Variants in TANGO6 observed in about 807,000 individuals in gnomAD.
The protein encoded by TANGO6 is transport and golgi organization 6 homolog.
Under a neutral mutation model 114.2 loss-of-function variants are expected in TANGO6, and 90 were observed. The ratio of observed to expected loss-of-function variants is 0.79; its 90% CI spans 0.66 to 0.94. The LOEUF (loss-of-function observed/expected upper bound fraction) is 0.94, where lower values mean the gene tolerates loss of function less well. Among genes scored for constraint, TANGO6 ranks in the 40% least tolerant of loss-of-function variants. The pLI, the probability that TANGO6 is intolerant of heterozygous loss-of-function variation, is 0.00. For missense variants in TANGO6, 1,274 were observed against 1,315.3 expected, an observed-to-expected ratio of 0.97 and a Z score of 0.49; for synonymous variants, 477 against 509.8, an observed-to-expected ratio of 0.94 and a Z score of 0.87.
chr16:69,043,418 G>A (rs1366089961), intron 17 of TANGO6, among the ~76,000 whole-genome samples: 2 of 151,924 alleles, frequency 1.3e-5, no homozygotes, highest in East Asian at 1.9e-4. Context: ...AACCAACACC[G>A]CTTGTCTCAC....
intron 15 of TANGO6, chr16:69,006,917 G>C (rs1477591423): frequency 6.6e-6 from 1 of 152,190 alleles, no homozygotes; most frequent in African/African-American, 2.4e-5. Flanking sequence ...AAGCAACCTT[G>C]TACCCATTCC....
chr16:69,021,024 T>C (rs1959397288), intron 15 of TANGO6, among the ~76,000 whole-genome samples: 1 of 152,024 alleles, frequency 6.6e-6, no homozygotes, highest in African/African-American at 2.4e-5. Flanking sequence ...GTTTCTACCT[T>C]GGACCCTTGT....
intron 17 of TANGO6, among the ~76,000 whole-genome samples, chr16:69,075,301 T>C (rs1170412147): frequency 1.3e-5 from 2 of 152,128 alleles, no homozygotes; most frequent in East Asian, 3.8e-4. Flanking sequence ...ATCTTTACAT[T>C]GTGCAATGCC....
chr16:68,934,230 G>A (rs1249778031), intron 14 of TANGO6, among the ~76,000 whole-genome samples: 1 of 151,884 alleles, frequency 6.6e-6, no homozygotes, highest in African/African-American at 2.4e-5. Flanking sequence ...AAAACATTTT[G>A]TAGAGATGGG....
chr16:68,860,790 C>G (rs1485577532), intron 2 of TANGO6, among the ~76,000 whole-genome samples: 1 of 152,116 alleles, frequency 6.6e-6, no homozygotes, highest in African/African-American at 2.4e-5. Context: ...CTTTGAGCCT[C>G]TGTTTCTTCT....
chr16:69,010,700 T>C (rs1185618119), intron 15 of TANGO6, among the ~76,000 whole-genome samples: 1 of 152,138 alleles, frequency 6.6e-6, no homozygotes, highest in African/African-American at 2.4e-5. Context: ...ATATCACCCA[T>C]CCTGTTGCTC....
chr16:68,846,073 T>C (rs566763537), intron 1 of TANGO6, among the ~76,000 whole-genome samples: 23 of 152,262 alleles, frequency 1.5e-4, no homozygotes, highest in African/African-American at 4.1e-4. Context: ...TTGCCCAGGC[T>C]GGAGTGCAGT....
At chr16:69,023,993 C>T (rs922660952) in intron 16 of TANGO6, among the ~76,000 whole-genome samples, 2 of 151,772 alleles carry the variant, frequency 1.3e-5, no homozygotes, top group Admixed American at 6.6e-5. Context: ...CTGCAACCTC[C>T]GCCTCCTGGG....
intron 13 of TANGO6, among the ~76,000 whole-genome samples, chr16:68,928,768 T>A (rs1267989401): frequency 2.0e-5 from 3 of 152,146 alleles, no homozygotes; most frequent in Admixed American, 1.3e-4. Context: ...GGAAAGTACC[T>A]TTTGTGATAA....
At chr16:68,970,667 C>CAAAAAAA (rs11291012) in intron 14 of TANGO6, among the ~76,000 whole-genome samples, 1 of 110,632 alleles carries the variant, frequency 9.0e-6, no homozygotes, top group Non-Finnish European at 1.9e-5. Context: ...AACTTCGTCT[C>CAAAAAAA]AAAAAAAAAA....
At chr16:68,926,725 G>C (rs984529852) in intron 12 of TANGO6, among the ~76,000 whole-genome samples, 1 of 151,584 alleles carries the variant, frequency 6.6e-6, no homozygotes, top group South Asian at 2.1e-4. Context: ...GTGGGGTTTC[G>C]CCATGTTGGC....
intron 17 of TANGO6, among the ~76,000 whole-genome samples, chr16:69,044,886 TGC>T (rs1959826919): frequency 6.6e-6 from 1 of 152,124 alleles, no homozygotes; most frequent in Admixed American, 6.6e-5. Flanking sequence ...CTGGGCGCAG[TGC>T]CTCATGCCTA....
At chr16:69,072,424 C>T (rs1206789592) in intron 17 of TANGO6, among the ~76,000 whole-genome samples, 2 of 152,100 alleles carry the variant, frequency 1.3e-5, no homozygotes, top group Admixed American at 1.3e-4. Context: ...AGCAGGTGTG[C>T]TGAACTCATA....
At chr16:68,936,826 C>CCTGGGCT (rs1567544009) in intron 14 of TANGO6, among the ~76,000 whole-genome samples, 2 of 151,594 alleles carry the variant, frequency 1.3e-5, no homozygotes, top group African/African-American at 4.8e-5. Context: ...AAAAAAACCA[C>CCTGGGCT]CTGGGCTCTG....
At chr16:69,076,713 C>T (rs1250853757) in intron 17 of TANGO6, among the ~76,000 whole-genome samples, 6 of 152,176 alleles carry the variant, frequency 3.9e-5, no homozygotes, top group Admixed American at 1.3e-4. Flanking sequence ...CTTGTACTTG[C>T]TTCTAGCCTT....
chr16:68,848,924 A>G (rs964360793), intron 1 of TANGO6, among the ~76,000 whole-genome samples: 3 of 151,950 alleles, frequency 2.0e-5, no homozygotes, highest in Non-Finnish European at 4.4e-5. Flanking sequence ...CCTTGCTCTC[A>G]AGCAGAAGAT....
chr16:68,906,703 C>T (rs1404359727), intron 9 of TANGO6, among the ~76,000 whole-genome samples: 2 of 152,128 alleles, frequency 1.3e-5, no homozygotes, highest in Admixed American at 6.6e-5. Context: ...CCTGCCTCAG[C>T]CTCCTAGTGC....
At position 69,069,688 on chromosome 16, in the gene TANGO6, G is replaced by A. The variant is rs554224937; in HGVS notation, c.3109-13797G>A. On this transcript the variant is annotated intron_variant, in intron 17 of 17. Coordinates refer to ENST00000261778, the MANE Select transcript of TANGO6 (RefSeq NM_024562.2). The stretch of plus-strand genomic sequence containing the variant: ...TCTTATTTATTTCTCAACCACAAAG[G>A]GAGTCACAATTGGTGGTTGATAGGA... Among the ~76,000 whole-genome samples the A allele has an allele frequency of 2.0e-3, 308 of 152,154 alleles. 2 individuals carry two copies. The highest frequency in any genetic ancestry group is 1.7e-3 in the Non-Finnish European group (117 of 67,998).
At position 69,085,069 on chromosome 16, in the gene TANGO6, C is replaced by T. The variant is rs1427416451; in HGVS notation, c.*1408C>T. 2.6e-5 allele frequency: 4 copies of T among 152,330 alleles called. No individual in the cohort carries two copies. The highest frequency in any genetic ancestry group is 3.7e-4 in the East Asian group (2 of 5,336). The allele number at this position is 152,330 out of a possible 1,614,324, so 9.4% of individuals were successfully genotyped here. On this transcript the variant is annotated 3_prime_UTR_variant, in exon 18 of 18. Coordinates refer to ENST00000261778, the MANE Select transcript of TANGO6 (RefSeq NM_024562.2). The stretch of plus-strand genomic sequence containing the variant: ...TAGTGTAGCTGGATTAATTTCTATT[C>T]TCCAAATCAAGGATGTCTAGAAAAT...
Sources: allele counts gnomAD v4.1 joint callset (sites outside exome capture counted in the v4.1 genomes callset), GRCh38; gene constraint gnomAD v4.1.1; transcripts MANE v1.5; gene names NCBI Gene and HGNC (gene_info 2026-07-23, HGNC 2026-07-21).